GRAMD1A: variants seen among roughly 807,000 people sequenced by gnomAD.
The protein encoded by GRAMD1A is protein Aster-A.
GRAMD1A carries 50 observed loss-of-function variants against 92.0 expected under a neutral mutation model. That is an observed-to-expected ratio of 0.54 (90% confidence interval 0.43 to 0.69). The LOEUF (loss-of-function observed/expected upper bound fraction) is 0.69, where lower values mean the gene tolerates loss of function less well. Among genes scored for constraint, GRAMD1A ranks in the 30% least tolerant of loss-of-function variants. The pLI is 0.00. For missense variants in GRAMD1A, 819 were observed against 978.9 expected, an observed-to-expected ratio of 0.84 and a Z score of 2.18; for synonymous variants, 405 against 403.6, an observed-to-expected ratio of 1.00 and a Z score of -0.04.
At chr19:35,014,107 G>A in intron 9 of GRAMD1A, 82 bp from the exon 10 acceptor site, 1 of 1,315,694 alleles carries the variant, frequency 7.6e-7, no homozygotes. Context: ...ACAGGCTCTG[G>A]AATCCTTGTG....
rs757896044 is a variant in GRAMD1A, at chr19:35,023,239, TATC to T, written c.1861_1863del (p.Ile621del). 6.2e-6 allele frequency: 10 copies of T among 1,613,190 alleles called. No individual in the cohort carries two copies. The highest frequency in any genetic ancestry group is 1.6e-4 in the Middle Eastern group (1 of 6,080). ...GACCTCTGACCCCTGTCCCCAGCCTTATCATCCTCATCGCCCTCAACGTCCTGC... is the reference window on the plus strand; with the variant it reads ...GACCTCTGACCCCTGTCCCCAGCCTTATCCTCATCGCCCTCAACGTCCTGC... On this transcript the variant is annotated inframe_deletion, in exon 18 of 20. Coordinates refer to ENST00000317991, the MANE Select transcript of GRAMD1A (RefSeq NM_020895.5).
chr19:35,002,272 A>T (rs999449058), intron 1 of GRAMD1A: 1 of 152,082 alleles, frequency 6.6e-6, no homozygotes, highest in Admixed American at 6.6e-5. Flanking sequence ...CTACCTGGCC[A>T]CTGTGTCCTC....
intron 1 of GRAMD1A, among the ~76,000 whole-genome samples, chr19:35,003,590 T>C (rs2014579494): frequency 6.6e-6 from 1 of 152,212 alleles, no homozygotes; most frequent in South Asian, 2.1e-4. Flanking sequence ...GCCCTGCCCC[T>C]AGATCTGTGG....
Position 35,009,191 on chromosome 19 carries a change from C to T in GRAMD1A, c.81C>T (p.Pro27=). ...PSLRKRLQLL[P]PSRPPPEPEP... ...TCCGGAAACGGCTGCAGCTCCTGCC[C>T]CCAAGCCGGCCCCCACCTGAGCCAG... The change falls in exon 2 of 20, where the codon CCC becomes CCT. Residue 27 remains proline (P), a synonymous_variant. Transcript: ENST00000317991. The T allele has an allele frequency of 1.2e-6, 2 of 1,613,950 alleles. No homozygotes were observed. The highest frequency in any genetic ancestry group is 1.7e-6 in the Non-Finnish European group (2 of 1,179,830).
intron 11 of GRAMD1A, among the ~76,000 whole-genome samples, chr19:35,017,051 C>G (rs1477772981): frequency 6.7e-6 from 1 of 149,286 alleles, no homozygotes; most frequent in South Asian, 2.1e-4. Flanking sequence ...GCTGCCCACC[C>G]GTAATCCCAG....
Position 35,026,085 on chromosome 19 carries a change from A to G in GRAMD1A, c.2119A>G (p.Thr707Ala). The change falls in exon 20 of 20, where the codon ACA becomes GCA. Residue 707 changes from threonine (T) to alanine (A), a missense_variant. Coordinates refer to ENST00000317991, the MANE Select transcript of GRAMD1A (RefSeq NM_020895.5). ...GCTGGAGAAGCTGCACCAAGGCATC[A>G]CAGTCTCAGACCCTCCCTTTGACAC... ...FSLEKLHQGI[T>A]VSDPPFDTQP... 5.6e-6 allele frequency: 9 copies of G among 1,607,258 alleles called. No homozygotes were observed. Among genetic ancestry groups the G allele is most frequent in the Non-Finnish European group, 7.7e-6 (9 of 1,173,794 alleles).
intron 1 of GRAMD1A, among the ~76,000 whole-genome samples, chr19:35,008,031 A>G (rs2014950603): frequency 6.6e-6 from 1 of 152,068 alleles, no homozygotes; most frequent in South Asian, 2.1e-4. Flanking sequence ...AGTTAATTTT[A>G]AAAATAGGAG....
upstream of GRAMD1A, among the ~76,000 whole-genome samples, chr19:34,997,137 C>A (rs2014068220): frequency 6.6e-6 from 1 of 151,938 alleles, no homozygotes; most frequent in African/African-American, 2.4e-5. Flanking sequence ...TGGTCTTGAA[C>A]TCCTGAGCTC....
upstream of GRAMD1A, among the ~76,000 whole-genome samples, chr19:34,997,950 C>A (rs1313799417): frequency 6.6e-6 from 1 of 151,900 alleles, no homozygotes; most frequent in Non-Finnish European, 1.5e-5. Flanking sequence ...TGCCTGTAAT[C>A]CCAGCTATTC....
In GRAMD1A at chr19:35,013,361, G is replaced by A. The variant is rs2015383926; in HGVS notation, c.712G>A (p.Gly238Ser). Residue 238 changes from glycine (G) to serine (S), a missense_variant, in exon 8 of 20, where the codon GGT (glycine) becomes AGT (serine). This residue lies in a region of GRAMD1A where 577 missense variants were observed against 674.6 expected (regional missense o/e 0.86). Coordinates refer to ENST00000317991, the MANE Select transcript of GRAMD1A (RefSeq NM_020895.5). This position sits in a 1 kb window ranked among gnomAD's most constrained non-coding sequence, Gnocchi z 4.9. ...CTATGTCTCCCCCTTGCAGCTGAAC[G>A]GTCTGGGGTGAGTTGGAGGTCAAAG... Reference protein sequence around the residue: ...EDYVSPLQLNGLGTPKEVGDV... With the variant: ...EDYVSPLQLNSLGTPKEVGDV... 3 of 1,550,972 alleles carry A rather than the reference G, an allele frequency of 1.9e-6. No individual in the cohort carries two copies. In the East Asian group the frequency reaches 7.2e-5, roughly 37 times the overall value.
intron 6 of GRAMD1A, among the ~76,000 whole-genome samples, chr19:35,011,270 G>A (rs528849652): frequency 5.9e-5 from 9 of 152,244 alleles, no homozygotes; most frequent in African/African-American, 1.9e-4. Flanking sequence ...GCCAGGGGTC[G>A]TCTCCCCATC....
At chr19:34,996,803 C>CA (rs944025116), upstream of GRAMD1A, among the ~76,000 whole-genome samples, 1,500 of 60,130 alleles carry the variant, frequency 0.025, 33 homozygotes, top group South Asian at 0.17. Flanking sequence ...GACTCTGTCT[C>CA]AAAAAAAAAA....
At position 35,010,226 on chromosome 19, in the gene GRAMD1A, C is replaced by T. The variant is rs555622212; in HGVS notation, c.429+31C>T. The T allele has an allele frequency of 9.6e-5, 153 of 1,589,002 alleles. 1 individual carries two copies. The highest frequency in any genetic ancestry group is 8.8e-4 in the South Asian group (80 of 90,602). The stretch of plus-strand genomic sequence containing the variant: ...CCCGCAGCGGGGCAGGGTACAGGGG[C>T]GGGGGCCCCCATGGCCAGGCCCCAC... On this transcript the variant is annotated intron_variant, in intron 5 of 19. Coordinates refer to ENST00000317991, the MANE Select transcript of GRAMD1A (RefSeq NM_020895.5).
intron 1 of GRAMD1A, among the ~76,000 whole-genome samples, 198 bp from the exon 2 acceptor site, chr19:35,008,921 G>A (rs894115110): frequency 6.6e-6 from 1 of 152,214 alleles, no homozygotes; most frequent in South Asian, 2.1e-4. Flanking sequence ...TATCATCCCT[G>A]GATTACTGAT....
At position 35,026,310 on chromosome 19, in the gene GRAMD1A, C is replaced by T. The variant is rs1177150532; in HGVS notation, c.*169C>T. ...CCACGGAACCGAGATGCACTTTAGA[C>T]CAGGGAGCTGGCCCGGCCTCTGGCA... On this transcript the variant is annotated 3_prime_UTR_variant, in exon 20 of 20. Coordinates refer to ENST00000317991, the MANE Select transcript of GRAMD1A (RefSeq NM_020895.5). 5.0e-6 allele frequency: 3 copies of T among 597,814 alleles called. No individual in the cohort carries two copies. The Admixed American group carries it at 8.6e-5, about 17-fold the overall frequency. The allele number at this position is 597,814 out of a possible 1,614,324, so 37.0% of individuals were successfully genotyped here.
In GRAMD1A at chr19:35,010,035, G is replaced by A. The variant is rs1243373072; in HGVS notation, c.326-57G>A. 1.3e-5 allele frequency: 20 copies of A among 1,528,312 alleles called. No individual in the cohort carries two copies. The Admixed American group carries it at 1.8e-4, about 14-fold the overall frequency. 94.7% of individuals were successfully genotyped at this position (1,528,312 alleles called of 1,614,324 possible). On this transcript the variant is annotated intron_variant, in intron 4 of 19. Coordinates refer to ENST00000317991, the MANE Select transcript of GRAMD1A (RefSeq NM_020895.5). ...CCCTGTGACTCTCCGCCAGCCCGCG[G>A]GCGCCGGCTGAGCCTCGTGACTTGG... is the stretch of plus-strand genomic sequence containing the variant.
chr19:35,000,429 C>CCCTG lies in GRAMD1A; in HGVS notation c.-47_-44dup. On this transcript the variant is annotated 5_prime_UTR_variant, in exon 1 of 20. Coordinates refer to ENST00000317991, the MANE Select transcript of GRAMD1A (RefSeq NM_020895.5). The surrounding 1 kb of genome is among the most constrained non-coding windows in gnomAD (Gnocchi z 4.9). ...CCCAGCCCCGCGCAGCCCAGCCCTG[C>CCCTG]CCTGCCCTGCCCTGCCCTGCGCCCG... 1.6e-6 allele frequency: 2 copies of CCCTG among 1,226,434 alleles called. No individual in the cohort carries two copies. Among genetic ancestry groups the CCCTG allele is most frequent in the Non-Finnish European group, 2.0e-6 (2 of 981,548 alleles). The allele number at this position is 1,226,434 out of a possible 1,614,324, so 76.0% of individuals were successfully genotyped here.
intron 1 of GRAMD1A, among the ~76,000 whole-genome samples, chr19:35,007,227 A>AG (rs2014885606): frequency 6.6e-6 from 1 of 152,160 alleles, no homozygotes; most frequent in Non-Finnish European, 1.5e-5. Flanking sequence ...GCTGGAGGTG[A>AG]TGGAGGCTGG....
At chr19:35,025,522 G>T (rs1050963972) in intron 19 of GRAMD1A, among the ~76,000 whole-genome samples, 1 of 152,160 alleles carries the variant, frequency 6.6e-6, no homozygotes. Context: ...GAGATTACAC[G>T]CATGAGGCAC....
Sources: allele counts gnomAD v4.1 joint callset (sites outside exome capture counted in the v4.1 genomes callset), GRCh38; gene constraint gnomAD v4.1.1; regional missense constraint gnomAD v4.1.1; non-coding constraint Gnocchi (gnomAD v3.1); transcripts MANE v1.5; gene names NCBI Gene and HGNC (gene_info 2026-07-23, HGNC 2026-07-21).